Variants in VWA8 observed in about 807,000 individuals in gnomAD.
VWA8 encodes the protein von Willebrand factor A domain-containing protein 8.
VWA8 carries 221 observed loss-of-function variants against 241.5 expected under a neutral mutation model. The observed-to-expected ratio is 0.91, with a 90% confidence interval of 0.82 to 1.02. VWA8 has a LOEUF of 1.02. Ranked by LOEUF, VWA8 falls within the 50% of genes least tolerant of loss-of-function variation. VWA8 has a pLI of 0.00. For synonymous variants in VWA8, 852 were observed against 827.1 expected (o/e 1.03, Z -0.52); for missense variants, 2,322 against 2,328.7 (o/e 1.00, Z 0.06).
chr13:41,960,546 C>G (rs1209735272), intron 1 of VWA8, among the ~76,000 whole-genome samples: 1 of 152,204 alleles, frequency 6.6e-6, no homozygotes, highest in Non-Finnish European at 1.5e-5. Flanking sequence ...GTATTATAAC[C>G]TAAGTCAGAA....
intron 1 of VWA8, among the ~76,000 whole-genome samples, chr13:41,951,777 T>G (rs1422530749): frequency 6.6e-6 from 1 of 152,226 alleles, no homozygotes; most frequent in Non-Finnish European, 1.5e-5. Context: ...GTTGAATGCT[T>G]ACTACCTTCT....
intron 4 of VWA8, among the ~76,000 whole-genome samples, chr13:41,901,620 C>A (rs1875428189): frequency 6.6e-6 from 1 of 151,946 alleles, no homozygotes; most frequent in South Asian, 2.1e-4. Context: ...GTTATACCAG[C>A]ACGGTGGGAG....
At chr13:41,650,167 T>C (rs2044860372) in intron 37 of VWA8, among the ~76,000 whole-genome samples, 2 of 152,214 alleles carry the variant, frequency 1.3e-5, no homozygotes, top group Non-Finnish European at 2.9e-5. Context: ...AGATTTATTA[T>C]CATAAATAAT....
At chr13:41,825,457 T>C (rs557039749) in intron 14 of VWA8, among the ~76,000 whole-genome samples, 5 of 130,242 alleles carry the variant, frequency 3.8e-5, no homozygotes, top group Non-Finnish European at 8.0e-5. Context: ...TTCTACAAAT[T>C]AGTAGAAGTT....
At chr13:41,909,538 A>G (rs889122462) in intron 3 of VWA8, among the ~76,000 whole-genome samples, 1 of 152,196 alleles carries the variant, frequency 6.6e-6, no homozygotes, top group Admixed American at 6.5e-5. Context: ...CATCACTAGT[A>G]TCTTCATGTC....
chr13:41,616,880 T>C lies in VWA8; in HGVS notation c.4612-1796A>G, dbSNP rs183756176. 4.4e-3 allele frequency among the ~76,000 whole-genome samples: 666 copies of C among 152,296 alleles called. 8 individuals carry two copies. The highest frequency in any genetic ancestry group is 4.8e-3 in the Non-Finnish European group (327 of 68,026). On this transcript the variant is annotated intron_variant, in intron 37 of 44. Transcript: ENST00000379310. ...CCTGGAGATCCTGTTTAGAGATCTT[T>C]GCAGCACCCTCTAGATGTACTCCAT... is the stretch of plus-strand genomic sequence containing the variant.
intron 9 of VWA8, 150 bp from the exon 10 acceptor site, chr13:41,868,627 G>A: frequency 2.2e-6 from 2 of 925,288 alleles, no homozygotes; most frequent in Non-Finnish European, 1.5e-6. Context: ...GCTCAGGCCT[G>A]TTAATCCCAG....
chr13:41,628,968 G>A lies in VWA8; in HGVS notation c.4612-13884C>T, dbSNP rs1469275501. On this transcript the variant is annotated intron_variant, in intron 37 of 44. Transcript: ENST00000379310. Reference sequence around the variant, plus strand: ...AGGGAGGAGAATCACTTGAACCCAGGAGGTGGAGGTTGCAATGAGCCATGA... The same window carrying A: ...AGGGAGGAGAATCACTTGAACCCAGAAGGTGGAGGTTGCAATGAGCCATGA... 3.3e-5 allele frequency among the ~76,000 whole-genome samples: 5 copies of A among 152,112 alleles called. No homozygotes were observed. The South Asian group carries it at 8.3e-4, about 25-fold the overall frequency.
intron 37 of VWA8, among the ~76,000 whole-genome samples, chr13:41,645,648 C>T (rs2044826577): frequency 6.6e-6 from 1 of 152,038 alleles, no homozygotes; most frequent in Admixed American, 6.6e-5. Context: ...CAAAACATTT[C>T]CAGTATCATG....
At position 41,707,426 on chromosome 13, in the gene VWA8, G is replaced by T. The variant is rs181410725; in HGVS notation, c.3117-4015C>A. On this transcript the variant is annotated intron_variant, in intron 26 of 44. Transcript: ENST00000379310. ...TGACATACCTATTATCAACAATTCC[G>T]AAAACATTTCCTTACCACAAGAACT... 3.9e-3 allele frequency among the ~76,000 whole-genome samples: 600 copies of T among 152,256 alleles called. 3 individuals carry two copies. Among genetic ancestry groups the T allele is most frequent in the South Asian group, 0.015 (70 of 4,824 alleles).
intron 21 of VWA8, among the ~76,000 whole-genome samples, chr13:41,746,100 G>A (rs2045604371): frequency 6.6e-6 from 1 of 152,164 alleles, no homozygotes; most frequent in Admixed American, 6.5e-5. Context: ...AAAAGGAAGA[G>A]TAGAATCAAA....
chr13:41,650,898 A>G (rs2044865128), intron 37 of VWA8, among the ~76,000 whole-genome samples: 1 of 152,204 alleles, frequency 6.6e-6, no homozygotes, highest in Admixed American at 6.5e-5. Flanking sequence ...GTGTATGGGC[A>G]TTCCAGGCAG....
intron 2 of VWA8, among the ~76,000 whole-genome samples, chr13:41,949,078 G>C (rs965630812): frequency 4.1e-5 from 6 of 146,888 alleles, no homozygotes; most frequent in African/African-American, 1.5e-4. Context: ...TCCAGGGCAG[G>C]GTAAAGGGGT....
chr13:41,898,228 C>G (rs1418425902), intron 4 of VWA8, among the ~76,000 whole-genome samples: 1 of 151,672 alleles, frequency 6.6e-6, no homozygotes, highest in Non-Finnish European at 1.5e-5. Context: ...CAGGTAGATA[C>G]AGAGTGTCGA....
chr13:41,772,453 AAAAC>A (rs892562188), intron 20 of VWA8, among the ~76,000 whole-genome samples: 19 of 77,056 alleles, frequency 2.5e-4, no homozygotes, highest in Non-Finnish European at 3.6e-4. Flanking sequence ...AAAACAAAAC[AAAAC>A]AAACAAACAA....
intron 37 of VWA8, among the ~76,000 whole-genome samples, chr13:41,629,668 T>C (rs2044714424): frequency 6.6e-6 from 1 of 152,220 alleles, no homozygotes; most frequent in South Asian, 2.1e-4. Flanking sequence ...TTTTTTCACA[T>C]GAAGTCAGCT....
chr13:41,660,532 C>A (rs1310380375), intron 37 of VWA8, among the ~76,000 whole-genome samples: 3 of 152,150 alleles, frequency 2.0e-5, no homozygotes, highest in Non-Finnish European at 4.4e-5. Flanking sequence ...TCTTTCAATG[C>A]CTCATTTCTT....
intron 21 of VWA8, among the ~76,000 whole-genome samples, chr13:41,745,314 A>G (rs1007574416): frequency 2.0e-5 from 3 of 151,812 alleles, no homozygotes; most frequent in Non-Finnish European, 4.4e-5. Flanking sequence ...GACAGGCCCC[A>G]GTGTGTGATG....
At chr13:41,761,862 C>T (rs2045742845) in intron 20 of VWA8, among the ~76,000 whole-genome samples, 1 of 151,232 alleles carries the variant, frequency 6.6e-6, no homozygotes, top group South Asian at 2.1e-4. Flanking sequence ...AATCCACCCC[C>T]AAGCTATTTC....
Sources: allele counts gnomAD v4.1 joint callset (sites outside exome capture counted in the v4.1 genomes callset), GRCh38; gene constraint gnomAD v4.1.1; transcripts MANE v1.5; gene names NCBI Gene and HGNC (gene_info 2026-07-23, HGNC 2026-07-21).